Variants in STRN3 observed in about 807,000 individuals in gnomAD.
STRN3 encodes striatin-3.
STRN3 carries 29 observed loss-of-function variants against 95.6 expected under a neutral mutation model. The ratio of observed to expected loss-of-function variants is 0.30; its 90% CI spans 0.23 to 0.41. The LOEUF (loss-of-function observed/expected upper bound fraction) is 0.41, where lower values mean the gene tolerates loss of function less well. Among genes scored for constraint, STRN3 ranks in the 10% least tolerant of loss-of-function variants. The pLI, the probability that STRN3 is intolerant of heterozygous loss-of-function variation, is 1.00. For synonymous variants in STRN3, 331 were observed against 357.6 expected, an observed-to-expected ratio of 0.93 and a Z score of 0.84; for missense variants, 890 against 972.1, an observed-to-expected ratio of 0.92 and a Z score of 1.12.
intron 1 of STRN3, among the ~76,000 whole-genome samples, chr14:30,961,438 T>G (rs538854189): frequency 1.8e-3 from 269 of 152,314 alleles, no homozygotes; most frequent in Non-Finnish European, 3.0e-3. Context: ...AAAATTCCTA[T>G]CGCCTAGTGA....
intron 7 of STRN3, among the ~76,000 whole-genome samples, chr14:30,933,302 A>AAC (rs1878646382): frequency 6.6e-6 from 1 of 150,706 alleles, no homozygotes; most frequent in Admixed American, 6.6e-5. Flanking sequence ...AAAAAAAAAA[A>AAC]AAACGATGCA....
At chr14:31,023,440 A>G (rs1257445512) in intron 1 of STRN3, among the ~76,000 whole-genome samples, 1 of 152,180 alleles carries the variant, frequency 6.6e-6, no homozygotes, top group Non-Finnish European at 1.5e-5. Flanking sequence ...ATCATACTGT[A>G]AAGTTCCTTT....
At position 30,926,496 on chromosome 14, in the gene STRN3, A is replaced by G. The variant is rs74589122; in HGVS notation, c.1099+2705T>C. Among the ~76,000 whole-genome samples the G allele has an allele frequency of 9.2e-5, 14 of 152,042 alleles. No homozygotes were observed. In the East Asian group the frequency reaches 2.1e-3, roughly 23 times the overall value. On this transcript the variant is annotated intron_variant, in intron 8 of 17. Transcript: ENST00000357479. Reference sequence around the variant, plus strand: ...AATAGTCTCTGAGTGGTAGGATTGCAGGTGATTTTTATAGTTTTTCTTTAT... The same window carrying G: ...AATAGTCTCTGAGTGGTAGGATTGCGGGTGATTTTTATAGTTTTTCTTTAT...
intron 1 of STRN3, among the ~76,000 whole-genome samples, chr14:30,963,176 C>T (rs1880296913): frequency 2.6e-5 from 4 of 152,134 alleles, no homozygotes; most frequent in African/African-American, 9.7e-5. Flanking sequence ...ACTGACAGAA[C>T]AGAACGGAGA....
chr14:30,950,984 C>A, intron 3 of STRN3, 40 bp from the exon 4 acceptor site: 1 of 1,549,190 alleles, frequency 6.5e-7, no homozygotes, highest in South Asian at 1.2e-5. Context: ...TACTTTATTT[C>A]GACTCCTGAA....
rs575452929 is a variant in STRN3 at position 31,023,319 on chromosome 14, T to C, written c.282+2585A>G. Among the ~76,000 whole-genome samples, 31 of 152,270 alleles carry C rather than the reference T, an allele frequency of 2.0e-4. 1 individual carries two copies. The highest frequency in any genetic ancestry group is 6.7e-4 in the African/African-American group (28 of 41,552). On this transcript the variant is annotated intron_variant, in intron 1 of 17. Transcript: ENST00000357479. ...CCTTACTAACAATGCTTTACCTGAG[T>C]CTAAGGTAAGGAAGAATCAGAGACA...
At chr14:30,993,163 G>C (rs898139271) in intron 1 of STRN3, among the ~76,000 whole-genome samples, 1 of 151,836 alleles carries the variant, frequency 6.6e-6, no homozygotes, top group African/African-American at 2.4e-5. Context: ...ATACTTGGCA[G>C]GTTGATGCAG....
At position 30,895,357 on chromosome 14, in the gene STRN3, G is replaced by GCA; in HGVS notation, c.*52_*53dup. On this transcript the variant is annotated 3_prime_UTR_variant, in exon 18 of 18. Coordinates refer to ENST00000357479, the MANE Select transcript of STRN3 (RefSeq NM_001083893.2). ...CAGTAACCTTTCTGATGGCAGTGATGCAGACCCTCTTTCTGTCCAAGCAAA... is the reference window on the plus strand; with the variant it reads ...CAGTAACCTTTCTGATGGCAGTGATGCACAGACCCTCTTTCTGTCCAAGCAAA... 1 of 1,526,324 alleles carries GCA rather than the reference G, an allele frequency of 6.6e-7. No individual in the cohort carries two copies. Among genetic ancestry groups the GCA allele is most frequent in the East Asian group, 2.3e-5 (1 of 43,850 alleles). 94.5% of individuals were successfully genotyped at this position (1,526,324 alleles called of 1,614,324 possible).
At chr14:30,961,403 T>C (rs1880198997) in intron 1 of STRN3, among the ~76,000 whole-genome samples, 1 of 152,050 alleles carries the variant, frequency 6.6e-6, no homozygotes, top group South Asian at 2.1e-4. Context: ...ACAACAGGGG[T>C]CCCATATGAT....
intron 10 of STRN3, 23 bp from the exon 11 acceptor site, chr14:30,912,205 T>C: frequency 6.2e-7 from 1 of 1,605,392 alleles, no homozygotes; most frequent in Non-Finnish European, 8.5e-7. Context: ...AGCACAATAT[T>C]TAGTGGTAAA....
chr14:31,006,679 G>A (rs1404707753), intron 1 of STRN3, among the ~76,000 whole-genome samples: 2 of 150,582 alleles, frequency 1.3e-5, no homozygotes, highest in Non-Finnish European at 3.0e-5. Context: ...TGGGCAACAA[G>A]AGTGAAACTC....
rs1896654262 is a variant in STRN3 at position 30,913,252 on chromosome 14, A to G, written c.1374+272T>C. 1.3e-5 allele frequency among the ~76,000 whole-genome samples: 2 copies of G among 152,174 alleles called. 1 individual carries two copies. Among genetic ancestry groups the G allele is most frequent in the African/African-American group, 4.8e-5 (2 of 41,450 alleles). On this transcript the variant is annotated intron_variant, in intron 10 of 17. Coordinates refer to ENST00000357479, the MANE Select transcript of STRN3 (RefSeq NM_001083893.2). ...ACACCAAAATATGGCTTAATTTGAG[A>G]TAATTGAGAGTTGACTACTCAAGAT...
chr14:31,021,683 AAAG>A (rs1476742615), intron 1 of STRN3, among the ~76,000 whole-genome samples: 1 of 152,238 alleles, frequency 6.6e-6, no homozygotes, highest in Non-Finnish European at 1.5e-5. Flanking sequence ...AGCGGAAGCA[AAAG>A]AAAACAGTTT....
rs1480965387 is a variant in STRN3, at chr14:30,936,636, A to G, written c.717-12T>C. ...CATCACCAGAGGACCTGTGCGAAGG[A>G]AAAAAAGATAAATCCAACTATTCCA... On this transcript the variant is annotated splice_polypyrimidine_tract_variant and intron_variant, in intron 5 of 17. Transcript: ENST00000357479. 1 of 1,593,624 alleles carries G rather than the reference A, an allele frequency of 6.3e-7. No homozygotes were observed. The highest frequency in any genetic ancestry group is 8.5e-7 in the Non-Finnish European group (1 of 1,174,328).
At chr14:30,984,850 C>A (rs1881601390) in intron 1 of STRN3, among the ~76,000 whole-genome samples, 1 of 152,028 alleles carries the variant, frequency 6.6e-6, no homozygotes, top group African/African-American at 2.4e-5. Flanking sequence ...TTTTGACATT[C>A]AGAACTCTAA....
At chr14:30,965,722 G>A (rs1459493850) in intron 1 of STRN3, among the ~76,000 whole-genome samples, 1 of 133,492 alleles carries the variant, frequency 7.5e-6, no homozygotes, top group Non-Finnish European at 1.5e-5. Flanking sequence ...TCTGAGGAAC[G>A]AGAATCGCTT....
At chr14:30,930,797 T>C (rs1001988972) in intron 7 of STRN3, among the ~76,000 whole-genome samples, 1 of 152,158 alleles carries the variant, frequency 6.6e-6, no homozygotes, top group African/African-American at 2.4e-5. Flanking sequence ...TTATTGAATA[T>C]ACCAAGAAAA....
chr14:30,929,089 A>T, intron 8 of STRN3, 112 bp downstream of exon 8: 2 of 741,560 alleles, frequency 2.7e-6, no homozygotes, highest in Non-Finnish European at 4.3e-6. Context: ...GTTTAAAGTT[A>T]GTTGCCCCCT....
At chr14:30,902,892 C>T (rs1490593175) in intron 15 of STRN3, among the ~76,000 whole-genome samples, 1 of 152,026 alleles carries the variant, frequency 6.6e-6, no homozygotes, top group African/African-American at 2.4e-5. Flanking sequence ...TTTAATGCCA[C>T]CCTTTATTAT....
Sources: gnomAD v4.1 joint callset for allele counts (sites outside exome capture counted in the v4.1 genomes callset) on GRCh38, gnomAD v4.1.1 for gene constraint, MANE v1.5 for transcripts, NCBI Gene and HGNC (gene_info 2026-07-23, HGNC 2026-07-21) for gene names.